EFCAB7: variants seen among roughly 807,000 people sequenced by gnomAD.
EFCAB7 encodes the protein EF-hand calcium binding domain 7.
A neutral mutation model predicts 77.1 loss-of-function variants in EFCAB7; 66 were observed. The observed-to-expected ratio is 0.86, with a 90% CI of 0.70 to 1.05. The LOEUF (loss-of-function observed/expected upper bound fraction) is 1.05, where lower values mean the gene tolerates loss of function less well. EFCAB7 is among the 50% of genes least tolerant of loss of function. EFCAB7 has a pLI of 0.00. For missense variants in EFCAB7, 638 were observed against 730.5 expected (o/e 0.87, Z 1.46); for synonymous variants, 225 against 243.3 (o/e 0.92, Z 0.70).
downstream of EFCAB7, chr1:63,572,700 G>T: frequency 3.1e-6 from 3 of 965,494 alleles, no homozygotes; most frequent in Non-Finnish European, 3.9e-6. Context: ...TTCATTGTGT[G>T]GTGTTCTTAT....
At chr1:63,568,612 G>A (rs766239906) in intron 12 of EFCAB7, 93 bp downstream of exon 12, 18 of 941,824 alleles carry the variant, frequency 1.9e-5, no homozygotes, top group Non-Finnish European at 2.8e-5. Flanking sequence ...TGGTAATTAA[G>A]TATCCCATCA....
intron 9 of EFCAB7, 30 bp downstream of exon 9, chr1:63,555,545 T>G (rs1647021131): frequency 6.3e-7 from 1 of 1,594,804 alleles, no homozygotes; most frequent in South Asian, 1.1e-5. Context: ...GTTAGAATTA[T>G]AACATCTAGA....
intron 6 of EFCAB7, among the ~76,000 whole-genome samples, chr1:63,535,763 A>G (rs1395548964): frequency 6.6e-6 from 1 of 152,098 alleles, no homozygotes; most frequent in Non-Finnish European, 1.5e-5. Context: ...TTATATACAA[A>G]GGACATTAAT....
At chr1:63,569,859 C>T (rs1647215779) in intron 12 of EFCAB7, 2 of 152,110 alleles carry the variant, frequency 1.3e-5, no homozygotes, top group Admixed American at 6.5e-5. Context: ...ATCATGGTTC[C>T]CTTTCTGCCC....
At chr1:63,569,203 A>G (rs1647204971) in intron 12 of EFCAB7, 1 of 152,198 alleles carries the variant, frequency 6.6e-6, no homozygotes, top group Admixed American at 6.5e-5. Flanking sequence ...TATGCCTGCC[A>G]TAAATTTCTT....
chr1:63,572,437 T>C lies in EFCAB7; in HGVS notation c.1816-5T>C. On this transcript the variant is annotated splice_polypyrimidine_tract_variant and splice_region_variant and intron_variant, in intron 13 of 13. Coordinates refer to ENST00000371088, the MANE Select transcript of EFCAB7 (RefSeq NM_032437.4). ...AGAGTAAAAGCTTTCTATTTTTATGTGCAGGTTTGTCAACATGTAATGCCT... is the reference window on the plus strand; with the variant it reads ...AGAGTAAAAGCTTTCTATTTTTATGCGCAGGTTTGTCAACATGTAATGCCT... 6.3e-7 allele frequency: 1 copy of C among 1,575,836 alleles called. No homozygotes were observed. The highest frequency in any genetic ancestry group is 8.6e-7 in the Non-Finnish European group (1 of 1,165,840).
At chr1:63,524,207 T>A (rs1646536472) in intron 1 of EFCAB7, among the ~76,000 whole-genome samples, 1 of 152,234 alleles carries the variant, frequency 6.6e-6, no homozygotes, top group South Asian at 2.1e-4. Context: ...TAAAATTGCT[T>A]ATTGCAAAGT....
At chr1:63,532,430 A>G (rs1416310059) in intron 3 of EFCAB7, among the ~76,000 whole-genome samples, 2 of 152,094 alleles carry the variant, frequency 1.3e-5, no homozygotes, top group African/African-American at 4.8e-5. Context: ...ACTCTATACT[A>G]TTCAATTGTT....
chr1:63,548,489 C>T (rs1353134579), intron 7 of EFCAB7: 1 of 151,928 alleles, frequency 6.6e-6, no homozygotes, highest in Non-Finnish European at 1.5e-5. Context: ...GGTATTAATC[C>T]TGCTTGGGGT....
chr1:63,561,932 A>C, intron 11 of EFCAB7, 75 bp downstream of exon 11: 1 of 1,170,672 alleles, frequency 8.5e-7, no homozygotes, highest in Non-Finnish European at 1.1e-6. Context: ...TTCCTGACAT[A>C]TAACTTTCGA....
intron 6 of EFCAB7, among the ~76,000 whole-genome samples, chr1:63,538,446 T>A (rs1399013645): frequency 9.3e-6 from 1 of 107,452 alleles, no homozygotes; most frequent in Non-Finnish European, 2.1e-5. Context: ...TGAAAGGGTA[T>A]TTTTTTTTCT....
chr1:63,555,482 A>G lies in EFCAB7; in HGVS notation c.1181A>G (p.Glu394Gly), dbSNP rs201040374. The change falls in exon 9 of 14, where the codon GAA (glutamate) becomes GGA (glycine). Residue 394 changes from glutamate (E) to glycine (G), a missense_variant. Transcript: ENST00000371088. ...GAAGCCCAACTTGTATATAGAGATG[A>G]AACAGGGGAATTATTCCTTACAAAG... is the stretch of plus-strand genomic sequence containing the variant. ...TDEAQLVYRD[E>G]TGELFLTKEF... 256 of 1,613,584 alleles carry G rather than the reference A, an allele frequency of 1.6e-4. 2 individuals are homozygous for G. The South Asian group carries it at 2.6e-3, about 16-fold the overall frequency.
chr1:63,524,235 A>G (rs973665238), intron 1 of EFCAB7, among the ~76,000 whole-genome samples: 7 of 152,228 alleles, frequency 4.6e-5, no homozygotes, highest in Non-Finnish European at 8.8e-5. Context: ...ATTCTCCCTT[A>G]CTTCTTGAAA....
chr1:63,573,992 AT>A (rs1460595780), downstream of EFCAB7, among the ~76,000 whole-genome samples: 2 of 152,184 alleles, frequency 1.3e-5, no homozygotes, highest in African/African-American at 4.8e-5. Context: ...CCAAGGAATT[AT>A]GTCTGACAGA....
At chr1:63,533,681 T>A in intron 5 of EFCAB7, 32 bp downstream of exon 5, 1 of 1,472,374 alleles carries the variant, frequency 6.8e-7, no homozygotes, top group Non-Finnish European at 9.2e-7. Context: ...AATTTCTTGA[T>A]CAGAAATGAA....
chr1:63,536,937 C>T (rs1286634008), intron 6 of EFCAB7, among the ~76,000 whole-genome samples: 1 of 152,038 alleles, frequency 6.6e-6, no homozygotes, highest in Admixed American at 6.6e-5. Context: ...ATCTCAACTT[C>T]ATGTGGAACA....
At chr1:63,531,704 G>GT (rs1443373272) in intron 2 of EFCAB7, 116 bp from the exon 3 acceptor site, 76 of 909,750 alleles carry the variant, frequency 8.4e-5, no homozygotes, top group Non-Finnish European at 1.2e-4. Flanking sequence ...GTAATGTACT[G>GT]GTATATGTAT....
At chr1:63,576,298 G>A (rs1647412044), downstream of EFCAB7, among the ~76,000 whole-genome samples, 1 of 152,034 alleles carries the variant, frequency 6.6e-6, no homozygotes, top group African/African-American at 2.4e-5. Context: ...TGGCCAACAT[G>A]GTGAAACTCT....
intron 6 of EFCAB7, among the ~76,000 whole-genome samples, chr1:63,538,074 T>C (rs1265719519): frequency 2.0e-5 from 3 of 152,184 alleles, no homozygotes; most frequent in African/African-American, 7.2e-5. Flanking sequence ...AAAATTTGTA[T>C]ATGACAAATA....
Sources: allele counts gnomAD v4.1 joint callset (sites outside exome capture counted in the v4.1 genomes callset), GRCh38; gene constraint gnomAD v4.1.1; transcripts MANE v1.5; gene names NCBI Gene and HGNC (gene_info 2026-07-23, HGNC 2026-07-21).